Variants in KLRG1 observed in about 807,000 individuals in gnomAD.
The protein encoded by KLRG1 is killer cell lectin like receptor G1, also known as killer cell lectin-like receptor subfamily G member 1.
In KLRG1, 16 loss-of-function variants were observed where a neutral mutation model predicts 21.8. The ratio of observed to expected loss-of-function variants is 0.73; its 90% CI spans 0.50 to 1.11. The LOEUF is 1.11. KLRG1 is among the 50% of genes most tolerant of loss of function. KLRG1 has a pLI of 0.00. For synonymous variants in KLRG1, 69 were observed against 75.9 expected, an observed-to-expected ratio of 0.91 and a Z score of 0.47; for missense variants, 173 against 218.3, an observed-to-expected ratio of 0.79 and a Z score of 1.31.
the KLRG1 span, among the ~76,000 whole-genome samples, chr12:9,188,357 T>C: frequency 1.4e-4 from 22 of 152,312 alleles, no homozygotes; most frequent in African/African-American, 4.8e-4. Context: ...AAACTAGATA[T>C]TGAAAGAACA....
the KLRG1 span, among the ~76,000 whole-genome samples, chr12:9,078,288 G>A: frequency 2.0e-5 from 3 of 152,140 alleles, no homozygotes; most frequent in Non-Finnish European, 4.4e-5. Flanking sequence ...GAGAAATGTG[G>A]TGTTTGGTTT....
rs182129341 is a variant in KLRG1 at position 8,996,841 on chromosome 12, G to T, written c.357+1553G>T. Among the ~76,000 whole-genome samples, 75 of 152,266 alleles carry T rather than the reference G, an allele frequency of 4.9e-4. No individual in the cohort carries two copies. The East Asian group carries it at 0.014, about 29-fold the overall frequency. ...CTCATTCTGATATAGTGACTCTCAG[G>T]ATTTGAGCTGACTAAAGTCAGTAGC... On this transcript the variant is annotated intron_variant, in intron 3 of 4. Coordinates refer to ENST00000356986, the MANE Select transcript of KLRG1 (RefSeq NM_005810.4).
At chr12:9,042,212 C>T in the KLRG1 span, among the ~76,000 whole-genome samples, 4 of 152,190 alleles carry the variant, frequency 2.6e-5, no homozygotes, top group Non-Finnish European at 5.9e-5. Flanking sequence ...TGGAGATGAA[C>T]TAAAGAAGTA....
At chr12:9,117,613 G>T in the KLRG1 span, among the ~76,000 whole-genome samples, 1 of 152,126 alleles carries the variant, frequency 6.6e-6, no homozygotes, top group Non-Finnish European at 1.5e-5. Context: ...AGGACAGAAG[G>T]GCTGAGGGTT....
At chr12:9,104,205 C>T in the KLRG1 span, 1 of 1,596,206 alleles carries the variant, frequency 6.3e-7, no homozygotes, top group South Asian at 1.2e-5. Flanking sequence ...TCCAAGGCTA[C>T]TTCATGTCAT....
At chr12:8,988,765 A>G (rs1455387142), upstream of KLRG1, among the ~76,000 whole-genome samples, 1 of 152,070 alleles carries the variant, frequency 6.6e-6, no homozygotes, top group Non-Finnish European at 1.5e-5. Context: ...TATTTTTAGT[A>G]GAGACGGGGT....
chr12:9,101,697 T>C, the KLRG1 span: 2 of 1,529,974 alleles, frequency 1.3e-6, no homozygotes, highest in East Asian at 2.4e-5. Flanking sequence ...AAAAATTATA[T>C]TATTTTTAGA....
the KLRG1 span, among the ~76,000 whole-genome samples, chr12:9,140,370 G>C: frequency 6.6e-6 from 1 of 152,118 alleles, no homozygotes; most frequent in East Asian, 1.9e-4. Flanking sequence ...CTTTCTTTAA[G>C]TTATTTAGCA....
At chr12:9,067,902 T>G in the KLRG1 span, 1 of 1,486,590 alleles carries the variant, frequency 6.7e-7, no homozygotes, top group Middle Eastern at 1.7e-4. Flanking sequence ...GAGAGTATTC[T>G]TTCCCTTAGT....
At chr12:9,150,603 C>A in the KLRG1 span, 2 of 1,332,734 alleles carry the variant, frequency 1.5e-6, no homozygotes, top group Middle Eastern at 1.8e-4. Context: ...GGATCCATTT[C>A]TTGGCTCTGG....
chr12:8,952,340 A>G (rs1371585112), intron 1 of KLRG1, among the ~76,000 whole-genome samples: 8 of 152,160 alleles, frequency 5.3e-5, no homozygotes. Context: ...CACAGGCGCA[A>G]GCCACCATGC....
At chr12:9,126,405 T>TTC in the KLRG1 span, among the ~76,000 whole-genome samples, 1 of 152,204 alleles carries the variant, frequency 6.6e-6, no homozygotes, top group Non-Finnish European at 1.5e-5. Context: ...ACAGGACTTT[T>TTC]TGAGAGGAAA....
chr12:9,095,251 C>T, the KLRG1 span, among the ~76,000 whole-genome samples: 5 of 152,276 alleles, frequency 3.3e-5, no homozygotes, highest in South Asian at 6.2e-4. Flanking sequence ...TAATTTTATT[C>T]TTTTCATTAA....
chr12:9,131,052 A>G, the KLRG1 span, among the ~76,000 whole-genome samples: 3 of 152,154 alleles, frequency 2.0e-5, no homozygotes, highest in East Asian at 3.8e-4. Flanking sequence ...CATTTTCTCA[A>G]TGAGTGGTCT....
At chr12:9,135,353 T>C in the KLRG1 span, 1 of 317,322 alleles carries the variant, frequency 3.2e-6, no homozygotes, top group Non-Finnish European at 6.3e-6. Context: ...GTTCAAGCTT[T>C]TCCCAAGTGA....
chr12:9,082,939 A>G, the KLRG1 span, among the ~76,000 whole-genome samples: 1 of 152,342 alleles, frequency 6.6e-6, no homozygotes, highest in African/African-American at 2.4e-5. Context: ...ATACCCAGTA[A>G]TGGGATGGCT....
At chr12:9,196,350 C>A in the KLRG1 span, 1 of 1,610,942 alleles carries the variant, frequency 6.2e-7, no homozygotes, top group Non-Finnish European at 8.5e-7. Context: ...AAGGGGATTC[C>A]TTGTCTAAAG....
chr12:9,183,388 G>A, the KLRG1 span, among the ~76,000 whole-genome samples: 2 of 145,466 alleles, frequency 1.4e-5, no homozygotes, highest in Non-Finnish European at 3.0e-5. Flanking sequence ...ACGTTATGTT[G>A]TACACCTTAA....
the KLRG1 span, among the ~76,000 whole-genome samples, chr12:9,088,226 G>A: frequency 2.7e-5 from 4 of 150,504 alleles, no homozygotes; most frequent in African/African-American, 9.8e-5. Context: ...TGTTCAGGGG[G>A]GTGACATTAA....
Sources: allele counts gnomAD v4.1 joint callset (sites outside exome capture counted in the v4.1 genomes callset), GRCh38; gene constraint gnomAD v4.1.1; transcripts MANE v1.5; gene names NCBI Gene and HGNC (gene_info 2026-07-23, HGNC 2026-07-21).